The following KCNC2 variants were observed in gnomAD, a reference collection of about 807,000 sequenced individuals.
KCNC2 encodes the protein potassium voltage-gated channel subfamily C member 2, also known as voltage-gated potassium channel KCNC2.
In KCNC2, 21 loss-of-function variants were observed where a neutral mutation model predicts 44.5. The ratio of observed to expected loss-of-function variants is 0.47; its 90% CI spans 0.33 to 0.68. KCNC2 has a LOEUF of 0.68. Among genes scored for constraint, KCNC2 ranks in the 30% least tolerant of loss-of-function variants. The probability of loss-of-function intolerance (pLI) is 0.01; values close to 1 mark genes in which losing one functional copy is unlikely to be tolerated. For synonymous variants in KCNC2, 391 were observed against 339.1 expected, an observed-to-expected ratio of 1.15 and a Z score of -1.68; for missense variants, 589 against 826.2, an observed-to-expected ratio of 0.71 and a Z score of 3.52.
intron 2 of KCNC2, among the ~76,000 whole-genome samples, chr12:75,067,116 C>A (rs563163499): frequency 6.6e-5 from 10 of 152,242 alleles, no homozygotes; most frequent in African/African-American, 2.4e-4. Flanking sequence ...GTGGGAGGAT[C>A]TCTTGAGCCT....
At chr12:75,074,166 A>G (rs1294145975) in intron 2 of KCNC2, among the ~76,000 whole-genome samples, 7 of 151,880 alleles carry the variant, frequency 4.6e-5, no homozygotes, top group African/African-American at 1.7e-4. Flanking sequence ...CTATTACAGT[A>G]CTAGTCAGAG....
intron 2 of KCNC2, among the ~76,000 whole-genome samples, chr12:75,179,963 T>G (rs993357928): frequency 6.6e-6 from 1 of 151,816 alleles, no homozygotes; most frequent in Non-Finnish European, 1.5e-5. Context: ...GAATATCATC[T>G]ATTTGTAGAC....
chr12:75,062,133 C>T (rs9634304), intron 2 of KCNC2, among the ~76,000 whole-genome samples: 1 of 151,852 alleles, frequency 6.6e-6, no homozygotes, highest in East Asian at 1.9e-4. Flanking sequence ...ATAGTAGATT[C>T]TATTAACTCA....
intron 2 of KCNC2, among the ~76,000 whole-genome samples, chr12:75,059,238 G>A (rs1212018381): frequency 6.6e-6 from 1 of 152,082 alleles, no homozygotes; most frequent in Non-Finnish European, 1.5e-5. Context: ...AGTGTTGCAT[G>A]CCTTAACAAG....
At chr12:75,135,146 C>T (rs1026323010) in intron 2 of KCNC2, among the ~76,000 whole-genome samples, 2 of 151,838 alleles carry the variant, frequency 1.3e-5, no homozygotes, top group Non-Finnish European at 2.9e-5. Context: ...TTCAGAATCC[C>T]TATCCACAGT....
chr12:75,114,467 A>G lies in KCNC2; in HGVS notation c.688-63150T>C, dbSNP rs543448502. Among the ~76,000 whole-genome samples the G allele has an allele frequency of 3.3e-5, 5 of 152,356 alleles. No homozygotes were observed. The East Asian group carries it at 7.7e-4, about 23-fold the overall frequency. On this transcript the variant is annotated intron_variant, in intron 2 of 4. Coordinates refer to ENST00000549446, the MANE Select transcript of KCNC2 (RefSeq NM_139137.4). ...TGCTAGTAACAGAGACATAGTGGTA[A>G]GCAAAATGGACTACGTCTTGGCCTC...
At chr12:75,198,451 T>A (rs141555239) in intron 2 of KCNC2, among the ~76,000 whole-genome samples, 1,522 of 152,006 alleles carry the variant, frequency 0.01, 31 homozygotes, top group African/African-American at 0.035. Context: ...GTCTACTTGG[T>A]TGCATTAAGA....
intron 2 of KCNC2, among the ~76,000 whole-genome samples, chr12:75,074,294 C>T: frequency 8.0e-6 from 1 of 125,176 alleles, no homozygotes; most frequent in South Asian, 2.8e-4. Context: ...TTCTGCAAAA[C>T]TCACCAGTGG....
intron 2 of KCNC2, among the ~76,000 whole-genome samples, chr12:75,156,865 T>C (rs1382529164): frequency 6.6e-6 from 1 of 151,864 alleles, no homozygotes; most frequent in African/African-American, 2.4e-5. Context: ...AAATAATTCA[T>C]CGTAGTATCA....
chr12:75,099,777 A>C (rs1886230398), intron 2 of KCNC2, among the ~76,000 whole-genome samples: 1 of 152,170 alleles, frequency 6.6e-6, no homozygotes, highest in Admixed American at 6.6e-5. Flanking sequence ...AAAGAAAGCC[A>C]CATTTCTATG....
intron 2 of KCNC2, among the ~76,000 whole-genome samples, chr12:75,108,688 G>A (rs527479455): frequency 7.2e-5 from 11 of 152,196 alleles, no homozygotes; most frequent in African/African-American, 2.6e-4. Context: ...CTCTTAAATG[G>A]ATTATCTTTG....
At chr12:75,127,148 T>C (rs1888485725) in intron 2 of KCNC2, among the ~76,000 whole-genome samples, 1 of 152,176 alleles carries the variant, frequency 6.6e-6, no homozygotes, top group Non-Finnish European at 1.5e-5. Flanking sequence ...CAGAATACAG[T>C]CTGTAACAAT....
intron 2 of KCNC2, among the ~76,000 whole-genome samples, chr12:75,127,337 T>C (rs985399983): frequency 6.6e-6 from 1 of 151,938 alleles, no homozygotes; most frequent in African/African-American, 2.4e-5. Context: ...AAAAAGGAGG[T>C]TGATATTTAA....
chr12:75,141,706 T>TTAGTA (rs1889666500), intron 2 of KCNC2, among the ~76,000 whole-genome samples: 1 of 152,152 alleles, frequency 6.6e-6, no homozygotes, highest in Non-Finnish European at 1.5e-5. Flanking sequence ...TAATATAAAT[T>TTAGTA]TAGTATAATG....
At position 75,042,540 on chromosome 12, in the gene KCNC2, A is replaced by T; in HGVS notation, c.*565T>A. On this transcript the variant is annotated 3_prime_UTR_variant, in exon 5 of 5. Transcript: ENST00000549446. ...CCCTGCCCCACAATTCAACATGCAG[A>T]ACAGTCGACCAATGCTTTCATATCA... 7.1e-7 allele frequency: 1 copy of T among 1,410,918 alleles called. No individual in the cohort carries two copies. Among genetic ancestry groups the T allele is most frequent in the Non-Finnish European group, 9.2e-7 (1 of 1,086,934 alleles). The allele number at this position is 1,410,918 out of a possible 1,614,324, so 87.4% of individuals were successfully genotyped here.
chr12:75,175,353 T>C (rs577257982), intron 2 of KCNC2, among the ~76,000 whole-genome samples: 1 of 152,084 alleles, frequency 6.6e-6, no homozygotes, highest in South Asian at 2.1e-4. Context: ...ATAAATATCA[T>C]TAGGGAATGG....
chr12:75,152,888 T>C (rs1890502052), intron 2 of KCNC2, among the ~76,000 whole-genome samples: 1 of 151,940 alleles, frequency 6.6e-6, no homozygotes, highest in Admixed American at 6.6e-5. Flanking sequence ...GAAAAACAGT[T>C]GTAGTACACA....
chr12:75,155,124 G>GA (rs34133100), intron 2 of KCNC2, among the ~76,000 whole-genome samples: 21 of 148,684 alleles, frequency 1.4e-4, no homozygotes, highest in South Asian at 4.5e-4. Context: ...TCTCTCCCAA[G>GA]AAAAAAAAAC....
chr12:75,123,443 T>G (rs1450266900), intron 2 of KCNC2, among the ~76,000 whole-genome samples: 1 of 152,236 alleles, frequency 6.6e-6, no homozygotes, highest in Non-Finnish European at 1.5e-5. Flanking sequence ...CCCGTCATCC[T>G]AAGCAACCAC....
Sources: gnomAD v4.1 joint callset for allele counts (sites outside exome capture counted in the v4.1 genomes callset) on GRCh38, gnomAD v4.1.1 for gene constraint, MANE v1.5 for transcripts, NCBI Gene and HGNC (gene_info 2026-07-23, HGNC 2026-07-21) for gene names.